RBFOX1: variants seen among roughly 807,000 people sequenced by gnomAD.
RBFOX1 encodes the protein RNA binding fox-1 homolog 1.
In RBFOX1, 8 loss-of-function variants were observed where a neutral mutation model predicts 57.7. That is an observed-to-expected ratio of 0.14 (90% confidence interval 0.08 to 0.25). The LOEUF (loss-of-function observed/expected upper bound fraction) is 0.25. RBFOX1 is among the 10% of genes least tolerant of loss of function. RBFOX1 has a pLI of 1.00. For missense variants in RBFOX1, 611 were observed against 548.5 expected, an observed-to-expected ratio of 1.11 and a Z score of -1.14; for synonymous variants, 326 against 222.4, an observed-to-expected ratio of 1.47 and a Z score of -4.15.
chr16:7,604,069 C>G (rs2095176985), intron 9 of RBFOX1, among the ~76,000 whole-genome samples: 1 of 152,048 alleles, frequency 6.6e-6, no homozygotes, highest in Non-Finnish European at 1.5e-5. Context: ...ACAGGATTTT[C>G]TAATGGATCA....
chr16:7,561,590 C>G (rs2090389293), intron 5 of RBFOX1, among the ~76,000 whole-genome samples: 1 of 152,128 alleles, frequency 6.6e-6, no homozygotes, highest in Non-Finnish European at 1.5e-5. Flanking sequence ...TATCGGTGTT[C>G]ACAAAGAATG....
intron 3 of RBFOX1, among the ~76,000 whole-genome samples, chr16:5,748,509 A>G (rs2053070778): frequency 6.6e-6 from 1 of 152,130 alleles, no homozygotes; most frequent in Admixed American, 6.6e-5. Context: ...GTGGGAGTCT[A>G]AGTCTCTTTG....
chr16:6,434,137 C>G (rs150493618), intron 2 of RBFOX1, among the ~76,000 whole-genome samples: 1 of 152,070 alleles, frequency 6.6e-6, no homozygotes, highest in Non-Finnish European at 1.5e-5. Flanking sequence ...TGTGAGCCAC[C>G]GTGCCTGGTC....
chr16:7,710,256 G>C lies in RBFOX1; in HGVS notation c.1072-367G>C, dbSNP rs562208592. ...CTGCTTCAACACCTAGTCCACATGA[G>C]GAATGTGTTGGAGAGTTGAATTACA... is the stretch of plus-strand genomic sequence containing the variant. On this transcript the variant is annotated intron_variant, in intron 15 of 15. Coordinates refer to ENST00000550418, the MANE Select transcript of RBFOX1 (RefSeq NM_018723.4). The C allele has an allele frequency of 1.8e-4, 197 of 1,081,610 alleles. 1 individual carries two copies. In the South Asian group the frequency reaches 5.3e-3, roughly 29 times the overall value. 67.0% of individuals were successfully genotyped at this position (1,081,610 alleles called of 1,614,324 possible).
chr16:6,351,105 T>C (rs950247293), intron 2 of RBFOX1, among the ~76,000 whole-genome samples: 2 of 152,090 alleles, frequency 1.3e-5, no homozygotes, highest in Non-Finnish European at 2.9e-5. Context: ...AGGAGTTTTA[T>C]GACATAAAAG....
intron 1 of RBFOX1, among the ~76,000 whole-genome samples, chr16:6,115,265 A>C (rs2096486243): frequency 6.6e-6 from 1 of 152,202 alleles, no homozygotes; most frequent in African/African-American, 2.4e-5. Flanking sequence ...AGTTGGCATA[A>C]TGTGGAGTAT....
At chr16:6,915,727 C>G (rs893490027) in intron 3 of RBFOX1, among the ~76,000 whole-genome samples, 10 of 151,954 alleles carry the variant, frequency 6.6e-5, no homozygotes, top group African/African-American at 2.4e-4. Context: ...AATTTTTCTA[C>G]TTTTTGTAGA....
intron 1 of RBFOX1, among the ~76,000 whole-genome samples, chr16:6,272,943 C>T (rs1032413194): frequency 9.2e-5 from 14 of 152,040 alleles, no homozygotes; most frequent in Admixed American, 7.9e-4. Flanking sequence ...TGATATAAAA[C>T]ATAAAACTAT....
intron 3 of RBFOX1, among the ~76,000 whole-genome samples, chr16:5,675,037 T>C (rs1158588584): frequency 6.6e-6 from 1 of 152,022 alleles, no homozygotes; most frequent in Non-Finnish European, 1.5e-5. Context: ...TAGTTCCAAC[T>C]ACTTGGAGCC....
chr16:7,685,815 C>G (rs2075947484), intron 14 of RBFOX1, among the ~76,000 whole-genome samples: 1 of 152,052 alleles, frequency 6.6e-6, no homozygotes, highest in Non-Finnish European at 1.5e-5. Flanking sequence ...TTGTAGGTAA[C>G]TGTGTCAAGA....
chr16:6,938,137 G>C (rs2077685772), intron 3 of RBFOX1, among the ~76,000 whole-genome samples: 1 of 152,016 alleles, frequency 6.6e-6, no homozygotes, highest in Non-Finnish European at 1.5e-5. Flanking sequence ...TAGAAATTTT[G>C]AACTATTCAA....
chr16:7,151,918 A>C (rs946890498), intron 4 of RBFOX1, among the ~76,000 whole-genome samples: 3 of 152,156 alleles, frequency 2.0e-5, no homozygotes, highest in African/African-American at 7.2e-5. Context: ...AATGTGAGCT[A>C]TGGGGAATGG....
intron 4 of RBFOX1, among the ~76,000 whole-genome samples, chr16:7,209,678 C>A (rs558486306): frequency 6.6e-6 from 1 of 152,078 alleles, no homozygotes; most frequent in Non-Finnish European, 1.5e-5. Flanking sequence ...ATTTTTAATC[C>A]GTATTTGGTT....
At chr16:6,239,834 G>C (rs2097530882) in intron 1 of RBFOX1, among the ~76,000 whole-genome samples, 1 of 151,914 alleles carries the variant, frequency 6.6e-6, no homozygotes, top group African/African-American at 2.4e-5. Flanking sequence ...TTTTTGAATT[G>C]ATACGACAGA....
intron 2 of RBFOX1, among the ~76,000 whole-genome samples, chr16:5,582,091 C>T (rs1294677465): frequency 6.6e-6 from 1 of 152,206 alleles, no homozygotes; most frequent in African/African-American, 2.4e-5. Flanking sequence ...GTTAAAAGAG[C>T]TGACAGCTCC....
chr16:6,832,647 C>T (rs1166557857), intron 3 of RBFOX1, among the ~76,000 whole-genome samples: 2 of 152,158 alleles, frequency 1.3e-5, no homozygotes, highest in Non-Finnish European at 2.9e-5. Context: ...TCCTTGCTGC[C>T]ATGCCTGTGC....
chr16:6,052,841 A>T (rs942149814), intron 1 of RBFOX1, among the ~76,000 whole-genome samples: 1 of 149,590 alleles, frequency 6.7e-6, no homozygotes, highest in African/African-American at 2.4e-5. Flanking sequence ...AATAATATTA[A>T]TGCCTATGGC....
At chr16:6,873,550 A>G (rs2061322021) in intron 3 of RBFOX1, among the ~76,000 whole-genome samples, 1 of 152,208 alleles carries the variant, frequency 6.6e-6, no homozygotes, top group Non-Finnish European at 1.5e-5. Flanking sequence ...CAGCTTAAAA[A>G]AAAGAACAAC....
chr16:5,776,317 G>A (rs1308830368), intron 3 of RBFOX1, among the ~76,000 whole-genome samples: 1 of 152,158 alleles, frequency 6.6e-6, no homozygotes, highest in Non-Finnish European at 1.5e-5. Context: ...CACAGGCCAC[G>A]CTTCCACTCT....
Sources: allele counts gnomAD v4.1 joint callset (sites outside exome capture counted in the v4.1 genomes callset), GRCh38; gene constraint gnomAD v4.1.1; transcripts MANE v1.5; gene names NCBI Gene and HGNC (gene_info 2026-07-23, HGNC 2026-07-21).